The following MIPOL1 variants were observed in gnomAD, a reference collection of about 807,000 sequenced individuals.
MIPOL1 encodes the protein mirror-image polydactyly 1, also known as mirror-image polydactyly gene 1 protein.
A neutral mutation model predicts 60.9 loss-of-function variants in MIPOL1; 57 were observed. The observed-to-expected ratio is 0.94, with a 90% CI of 0.76 to 1.17. The LOEUF is 1.17. MIPOL1 is among the 50% of genes most tolerant of loss of function. The pLI, the probability that MIPOL1 is intolerant of heterozygous loss-of-function variation, is 0.00. For missense variants in MIPOL1, 551 were observed against 511.6 expected, an observed-to-expected ratio of 1.08 and a Z score of -0.74; for synonymous variants, 179 against 168.8, an observed-to-expected ratio of 1.06 and a Z score of -0.47.
intron 11 of MIPOL1, among the ~76,000 whole-genome samples, chr14:37,460,313 A>G (rs2094525510): frequency 6.6e-6 from 1 of 152,116 alleles, no homozygotes; most frequent in Admixed American, 6.5e-5. Context: ...GAAATCCAAC[A>G]TCTCTTCATG....
At chr14:37,242,868 A>G (rs1972575036) in intron 1 of MIPOL1, among the ~76,000 whole-genome samples, 1 of 152,198 alleles carries the variant, frequency 6.6e-6, no homozygotes. Context: ...TTTAGATGGG[A>G]TGGCCAGGCA....
intron 11 of MIPOL1, among the ~76,000 whole-genome samples, chr14:37,481,303 G>A (rs1356813754): frequency 6.6e-6 from 1 of 151,754 alleles, no homozygotes; most frequent in South Asian, 2.1e-4. Flanking sequence ...TAAACCTTGG[G>A]AATAAATTTA....
At chr14:37,373,364 TAGTA>T (rs1175601286) in intron 10 of MIPOL1, among the ~76,000 whole-genome samples, 2 of 152,142 alleles carry the variant, frequency 1.3e-5, no homozygotes, top group African/African-American at 4.8e-5. Flanking sequence ...ACATCAAACT[TAGTA>T]AGAAAATTCA....
chr14:37,550,871 T>C lies in MIPOL1; in HGVS notation c.*3900T>C, dbSNP rs1276936072. ...AGAAAAATCTTTTTTGAAGAGTTTT[T>C]CTTGTGCTTGCTTCGGCAGCATATA... On this transcript the variant is annotated 3_prime_UTR_variant, in exon 13 of 13. Coordinates refer to ENST00000684589, the MANE Select transcript of MIPOL1 (RefSeq NM_001388067.1). 6.6e-6 allele frequency: 1 copy of C among 152,410 alleles called. No homozygotes were observed. Among genetic ancestry groups the C allele is most frequent in the Non-Finnish European group, 1.5e-5 (1 of 67,994 alleles). 9.4% of individuals were successfully genotyped at this position (152,410 alleles called of 1,614,324 possible). A position where few individuals can be genotyped will look rare whatever the true frequency, so the allele number is the denominator to read the frequency against.
At chr14:37,314,206 A>ATT (rs368911164) in intron 9 of MIPOL1, among the ~76,000 whole-genome samples, 5 of 152,078 alleles carry the variant, frequency 3.3e-5, no homozygotes, top group African/African-American at 1.2e-4. Context: ...TTAGTGGCTT[A>ATT]TTTTTTTTAT....
At chr14:37,339,339 C>A (rs2090411474) in intron 9 of MIPOL1, among the ~76,000 whole-genome samples, 1 of 152,202 alleles carries the variant, frequency 6.6e-6, no homozygotes, top group African/African-American at 2.4e-5. Flanking sequence ...AACTGAAACT[C>A]ATCCATTGCT....
At chr14:37,381,693 C>A (rs1484281106) in intron 10 of MIPOL1, among the ~76,000 whole-genome samples, 1 of 151,872 alleles carries the variant, frequency 6.6e-6, no homozygotes, top group African/African-American at 2.4e-5. Context: ...AGTGATCCTC[C>A]CACCTCAGCC....
chr14:37,537,435 T>C (rs1488196954), intron 12 of MIPOL1, among the ~76,000 whole-genome samples: 1 of 152,142 alleles, frequency 6.6e-6, no homozygotes, highest in African/African-American at 2.4e-5. Context: ...TAATGATAGC[T>C]GAAATCTGAC....
intron 12 of MIPOL1, among the ~76,000 whole-genome samples, chr14:37,529,250 C>A (rs141445809): frequency 4.6e-5 from 7 of 152,038 alleles, no homozygotes; most frequent in African/African-American, 1.7e-4. Context: ...AAAAAAGCAA[C>A]AAAATTGATT....
At chr14:37,388,626 A>G (rs1396070719) in intron 10 of MIPOL1, among the ~76,000 whole-genome samples, 2 of 151,610 alleles carry the variant, frequency 1.3e-5, no homozygotes, top group African/African-American at 4.8e-5. Flanking sequence ...CCACCAAAAT[A>G]TTTTTTTTGT....
chr14:37,368,858 T>G (rs28437521), intron 9 of MIPOL1, among the ~76,000 whole-genome samples: 48 of 152,192 alleles, frequency 3.2e-4, no homozygotes, highest in African/African-American at 1.1e-3. Context: ...TATTTTTACT[T>G]ATATTCTCTT....
At chr14:37,266,624 T>G (rs1231397539) in intron 3 of MIPOL1, among the ~76,000 whole-genome samples, 1 of 152,180 alleles carries the variant, frequency 6.6e-6, no homozygotes, top group Non-Finnish European at 1.5e-5. Context: ...CTTCAGTTTA[T>G]GAAGTGCCAT....
rs1305142403 is a variant in MIPOL1, at chr14:37,500,090, T to C, written c.1214T>C (p.Leu405Pro). 6.2e-7 allele frequency: 1 copy of C among 1,613,726 alleles called. No homozygotes were observed. Among genetic ancestry groups the C allele is most frequent in the South Asian group, 1.1e-5 (1 of 91,060 alleles). Residue 405 changes from leucine to proline, a missense_variant, in exon 12 of 13, where the codon CTT becomes CCT. Leu to Pro is a moderately conservative substitution (Grantham distance 98). Transcript: ENST00000684589. ...LTERANMELQ[L>P]QHAREASQVA... The stretch of plus-strand genomic sequence containing the variant: ...GAGCGAGCAAATATGGAATTACAAC[T>C]TCAACATGCCAGAGAGGCCTCCCAA...
intron 9 of MIPOL1, among the ~76,000 whole-genome samples, chr14:37,335,952 T>G (rs10146919): frequency 0.97 from 147,633 of 152,134 alleles, 71,696 homozygotes; most frequent in East Asian, 1. Context: ...TTTAGTATCA[T>G]ATTCAAGAAA....
chr14:37,539,720 T>A (rs1015400340), intron 12 of MIPOL1, among the ~76,000 whole-genome samples: 2 of 152,178 alleles, frequency 1.3e-5, no homozygotes, highest in Non-Finnish European at 2.9e-5. Flanking sequence ...GGGTAATGAT[T>A]TAAAGGGTAG....
In MIPOL1 at chr14:37,464,938, C is replaced by G. The variant is rs138040535; in HGVS notation, c.1032-34970C>G. Among the ~76,000 whole-genome samples the G allele has an allele frequency of 5.6e-3, 845 of 152,210 alleles. 9 individuals carry two copies. Among genetic ancestry groups the G allele is most frequent in the Non-Finnish European group, 5.8e-3 (395 of 68,002 alleles). On this transcript the variant is annotated intron_variant, in intron 11 of 12. Transcript: ENST00000684589. ...TACCTGTGCAGCCTGAGTTAACTAG[C>G]ATCATATTTTCAACTTATTTCAGTG...
At chr14:37,361,413 A>G (rs943194544) in intron 9 of MIPOL1, among the ~76,000 whole-genome samples, 2 of 151,954 alleles carry the variant, frequency 1.3e-5, no homozygotes, top group South Asian at 2.1e-4. Context: ...GATCAGTCTA[A>G]TATTGACAGT....
chr14:37,387,087 A>C (rs2153516004), intron 10 of MIPOL1, among the ~76,000 whole-genome samples: 1 of 152,042 alleles, frequency 6.6e-6, no homozygotes, highest in East Asian at 1.9e-4. Context: ...TGGTGTTGAT[A>C]TCCATCTAGG....
At chr14:37,289,528 C>T (rs931582613) in intron 7 of MIPOL1, among the ~76,000 whole-genome samples, 1 of 152,126 alleles carries the variant, frequency 6.6e-6, no homozygotes, top group Non-Finnish European at 1.5e-5. Flanking sequence ...GGGAATCTTA[C>T]TTACGTTTAT....
Sources: allele counts gnomAD v4.1 joint callset (sites outside exome capture counted in the v4.1 genomes callset), GRCh38; gene constraint gnomAD v4.1.1; transcripts MANE v1.5; gene names NCBI Gene and HGNC (gene_info 2026-07-23, HGNC 2026-07-21).